HEATR1: variants seen among roughly 807,000 people sequenced by gnomAD.
The protein encoded by HEATR1 is HEAT repeat containing 1, also known as HEAT repeat-containing protein 1.
A neutral mutation model predicts 248.2 loss-of-function variants in HEATR1; 77 were observed. The observed-to-expected ratio is 0.31, with a 90% CI of 0.26 to 0.37. HEATR1 has a LOEUF of 0.37. Ranked by LOEUF, HEATR1 falls within the 10% of genes least tolerant of loss-of-function variation. HEATR1 has a pLI of 1.00. For synonymous variants in HEATR1, 897 were observed against 923.1 expected (o/e 0.97, Z 0.51); for missense variants, 2,420 against 2,504.9 (o/e 0.97, Z 0.72).
intron 7 of HEATR1, 50 bp from the exon 8 acceptor site, chr1:236,595,723 T>G: frequency 6.4e-7 from 1 of 1,557,870 alleles, no homozygotes; most frequent in Non-Finnish European, 8.8e-7. Context: ...AGTTAGACAA[T>G]GAGTAACAAT....
In HEATR1 at chr1:236,549,736, T is replaced by C. The variant is rs1183831044; in HGVS notation, c.*1166A>G. On this transcript the variant is annotated 3_prime_UTR_variant, in exon 45 of 45. Transcript: ENST00000366582. The stretch of plus-strand genomic sequence containing the variant: ...ACCATCAGAGTGCTTAACTGAGCTG[T>C]TGGAGACTGTGAGGCATTTAGGAAA... The C allele has an allele frequency of 6.6e-6, 1 of 152,216 alleles. No homozygotes were observed. Among genetic ancestry groups the C allele is most frequent in the Non-Finnish European group, 1.5e-5 (1 of 68,036 alleles). The allele number at this position is 152,216 out of a possible 1,614,324, so 9.4% of individuals were successfully genotyped here. A position where few individuals can be genotyped will look rare whatever the true frequency, so the allele number is the denominator to read the frequency against.
At chr1:236,559,331 G>C (rs1324736826) in intron 34 of HEATR1, among the ~76,000 whole-genome samples, 196 bp from the exon 35 acceptor site, 6 of 152,196 alleles carry the variant, frequency 3.9e-5, no homozygotes, top group Non-Finnish European at 2.9e-5. Context: ...ACAAAAGCCT[G>C]ATGTCAGGAG....
chr1:236,558,366 A>G lies in HEATR1; in HGVS notation c.5075T>C (p.Val1692Ala). 1 of 1,614,196 alleles carries G rather than the reference A, an allele frequency of 6.2e-7. No homozygotes were observed. The highest frequency in any genetic ancestry group is 1.6e-4 in the Middle Eastern group (1 of 6,062). ...AATCAGTTTCACAGCAGTGTTCAGC[A>G]CTGGGACAAAAGGATCTGGATTTTC... ...GAENPDPFVP[V>A]LNTAVKLIAP... is the part of the protein sequence containing the mutation. The change falls in exon 36 of 45, where the codon GTG (valine) becomes GCG (alanine). Residue 1692 changes from valine (V) to alanine (A), a missense_variant. By Grantham distance (64) the Val-to-Ala change is moderately conservative. Coordinates refer to ENST00000366582, the MANE Select transcript of HEATR1 (RefSeq NM_018072.6).
rs372095266 is a variant in HEATR1 at position 236,565,904 on chromosome 1, C to T, written c.4435+15G>A. 4 of 1,608,070 alleles carry T rather than the reference C, an allele frequency of 2.5e-6. No homozygotes were observed. The South Asian group carries it at 3.3e-5, about 13-fold the overall frequency. On this transcript the variant is annotated intron_variant, in intron 31 of 44. Transcript: ENST00000366582. ...TTTCAGATTGAACAGTAAGTGACAC[C>T]CGATCTACGCTTACCTTCTTTTTCC...
chr1:236,562,118 G>A (rs1429854405), intron 32 of HEATR1, among the ~76,000 whole-genome samples: 2 of 152,160 alleles, frequency 1.3e-5, no homozygotes, highest in Non-Finnish European at 2.9e-5. Flanking sequence ...CCAATTTGAT[G>A]GGTATCACAT....
chr1:236,571,436 A>G lies in HEATR1; in HGVS notation c.3863T>C (p.Ile1288Thr), dbSNP rs61730305. Reference sequence around the variant, plus strand: ...CTCCGAAAGGCGGATGCACTGAACTATCAACTCCACGTTGAACTTCTCCTC... The same window carrying G: ...CTCCGAAAGGCGGATGCACTGAACTGTCAACTCCACGTTGAACTTCTCCTC... ...LDEEKFNVEL[I>T]VQCIRLSEMP... Residue 1288 changes from isoleucine to threonine, a missense_variant, in exon 28 of 45, where the codon ATA (isoleucine) becomes ACA (threonine). By Grantham distance (89) the Ile-to-Thr change is moderately conservative. Transcript: ENST00000366582. 2 of 1,613,706 alleles carry G rather than the reference A, an allele frequency of 1.2e-6. No homozygotes were observed. Among genetic ancestry groups the G allele is most frequent in the African/African-American group, 2.7e-5 (2 of 74,912 alleles).
intron 29 of HEATR1, among the ~76,000 whole-genome samples, chr1:236,567,112 G>A (rs1034553179): frequency 3.9e-5 from 6 of 151,950 alleles, no homozygotes; most frequent in East Asian, 3.9e-4. Context: ...CCCAGCCTCC[G>A]AAGAAGCTGG....
At chr1:236,571,139 T>C (rs1423520964) in intron 28 of HEATR1, among the ~76,000 whole-genome samples, 4 of 152,184 alleles carry the variant, frequency 2.6e-5, no homozygotes, top group Non-Finnish European at 5.9e-5. Context: ...AGAAGGTTAT[T>C]ATTCCCACTT....
At chr1:236,589,471 TTAAAA>T (rs1310295237) in intron 12 of HEATR1, among the ~76,000 whole-genome samples, 1 of 149,584 alleles carries the variant, frequency 6.7e-6, no homozygotes, top group Admixed American at 6.8e-5. Context: ...TAACTCCTTC[TTAAAA>T]TATAGATGAC....
At chr1:236,557,901 G>A (rs1309748913) in intron 36 of HEATR1, among the ~76,000 whole-genome samples, 1 of 152,172 alleles carries the variant, frequency 6.6e-6, no homozygotes, top group Admixed American at 6.5e-5. Flanking sequence ...GAAGATAAAC[G>A]GGAAGGCTGC....
At chr1:236,561,294 T>C in intron 32 of HEATR1, 23 bp from the exon 33 acceptor site, 1 of 1,594,716 alleles carries the variant, frequency 6.3e-7, no homozygotes, top group Non-Finnish European at 8.6e-7. Context: ...GAAGACGTCA[T>C]TAGAACGGTA....
At chr1:236,556,927 A>G (rs1213720904) in intron 37 of HEATR1, among the ~76,000 whole-genome samples, 1 of 152,096 alleles carries the variant, frequency 6.6e-6, no homozygotes, top group Non-Finnish European at 1.5e-5. Flanking sequence ...CTCACAGAAG[A>G]AAAAAAAGCC....
chr1:236,583,058 T>C lies in HEATR1; in HGVS notation c.2380A>G (p.Lys794Glu), dbSNP rs1312276290. 3.7e-6 allele frequency: 6 copies of C among 1,614,156 alleles called. No homozygotes were observed. The East Asian group carries it at 1.1e-4, about 30-fold the overall frequency. Residue 794 changes from lysine to glutamate, a missense_variant, in exon 18 of 45, where the codon AAA (lysine) becomes GAA (glutamate). Physicochemically the swap from Lys to Glu is moderately conservative, Grantham distance 56. Transcript: ENST00000366582. ...GCTTTCAGTGCATAAATAAATTTTT[T>C]CAAGGAAAATACAAGAAAAACCGAG... Reference protein sequence around the residue: ...EDSVFLVFSLKKFIYALKAPK... With the variant: ...EDSVFLVFSLEKFIYALKAPK...
At position 236,585,160 on chromosome 1, in the gene HEATR1, T is replaced by C. The variant is rs1663851732; in HGVS notation, c.2106A>G (p.Val702=). The change falls in exon 17 of 45, where the codon GTA becomes GTG. Residue 702 remains valine (V), a synonymous_variant. Coordinates refer to ENST00000366582, the MANE Select transcript of HEATR1 (RefSeq NM_018072.6). Reference sequence around the variant, plus strand: ...GCACAGACAGGATCACATGAAACGTTACTTTCTGCTTCAGGTTAAAGGACT... The same window carrying C: ...GCACAGACAGGATCACATGAAACGTCACTTTCTGCTTCAGGTTAAAGGACT... ...EEESFNLKQK[V]TFHVILSVLV... The C allele has an allele frequency of 6.2e-7, 1 of 1,614,110 alleles. No individual in the cohort carries two copies. The highest frequency in any genetic ancestry group is 8.5e-7 in the Non-Finnish European group (1 of 1,179,960).
At chr1:236,584,778 G>A (rs1400883758) in intron 17 of HEATR1, among the ~76,000 whole-genome samples, 2 of 152,230 alleles carry the variant, frequency 1.3e-5, no homozygotes, top group East Asian at 1.9e-4. Flanking sequence ...CAATAAAAGA[G>A]AGGAGAGTCA....
At chr1:236,598,608 A>C (rs1053309832) in intron 4 of HEATR1, among the ~76,000 whole-genome samples, 1 of 152,182 alleles carries the variant, frequency 6.6e-6, no homozygotes, top group East Asian at 1.9e-4. Flanking sequence ...GCTTTATCAA[A>C]GGCTGGCCTT....
intron 22 of HEATR1, among the ~76,000 whole-genome samples, 174 bp downstream of exon 22, chr1:236,576,043 GTA>G (rs1219939734): frequency 6.6e-6 from 1 of 152,104 alleles, no homozygotes; most frequent in Non-Finnish European, 1.5e-5. Flanking sequence ...ACTTGTCTTT[GTA>G]TCTTGTATCT....
rs760672777 is a variant in HEATR1, at chr1:236,552,086, T to C, written c.6259A>G (p.Thr2087Ala). Reference sequence around the variant, plus strand: ...AGTTTTTCAGCCAGTGCTAACACAGTAATCAAAGCAGCAAATCGAACCTGA... The same window carrying C: ...AGTTTTTCAGCCAGTGCTAACACAGCAATCAAAGCAGCAAATCGAACCTGA... ...SPKVRFAALI[T>A]VLALAEKLKE... The change falls in exon 44 of 45, where the codon ACT (threonine) becomes GCT (alanine). Residue 2087 changes from threonine to alanine, a missense_variant. Transcript: ENST00000366582. 3.1e-6 allele frequency: 5 copies of C among 1,612,024 alleles called. No individual in the cohort carries two copies. The South Asian group carries it at 5.5e-5, about 18-fold the overall frequency.
Position 236,574,231 on chromosome 1 carries a change from C to T in HEATR1, c.3430G>A (p.Ala1144Thr). ...LLVNCKNSHC[A>T]QTVSSVFKGI... ...TTAAAAACACTGCTGACAGTCTGAG[C>T]ACAATGTGAGTTTTTACAGTTCACC... is the stretch of plus-strand genomic sequence containing the variant. Residue 1144 changes from alanine to threonine, a missense_variant, in exon 24 of 45, where the codon GCT (alanine) becomes ACT (threonine). Ala to Thr is a moderately conservative substitution (Grantham distance 58). Coordinates refer to ENST00000366582, the MANE Select transcript of HEATR1 (RefSeq NM_018072.6). 1 of 1,611,634 alleles carries T rather than the reference C, an allele frequency of 6.2e-7. No homozygotes were observed. The highest frequency in any genetic ancestry group is 1.1e-5 in the South Asian group (1 of 90,258).
Sources: gnomAD v4.1 joint callset for allele counts (sites outside exome capture counted in the v4.1 genomes callset) on GRCh38, gnomAD v4.1.1 for gene constraint, MANE v1.5 for transcripts, NCBI Gene and HGNC (gene_info 2026-07-23, HGNC 2026-07-21) for gene names.